PAM: variants seen among roughly 807,000 people sequenced by gnomAD.
The protein encoded by PAM is peptidyl-glycine alpha-amidating monooxygenase.
A neutral mutation model predicts 122.1 loss-of-function variants in PAM; 72 were observed. The ratio of observed to expected loss-of-function variants is 0.59; its 90% CI spans 0.49 to 0.72. The LOEUF is 0.72. PAM is among the 30% of genes least tolerant of loss of function. PAM has a pLI of 0.00. For missense variants in PAM, 1,106 were observed against 1,183.7 expected, an observed-to-expected ratio of 0.93 and a Z score of 0.96; for synonymous variants, 389 against 404.4, an observed-to-expected ratio of 0.96 and a Z score of 0.46.
At chr5:102,841,622 T>C (rs1778656149) in intron 1 of PAM, among the ~76,000 whole-genome samples, 1 of 152,180 alleles carries the variant, frequency 6.6e-6, no homozygotes, top group Admixed American at 6.6e-5. Flanking sequence ...TCTGCAGTTA[T>C]AACTTTACAG....
chr5:102,793,671 A>C (rs1426041159), intron 1 of PAM, among the ~76,000 whole-genome samples: 1 of 152,256 alleles, frequency 6.6e-6, no homozygotes, highest in African/African-American at 2.4e-5. Flanking sequence ...ACAAGCAGCA[A>C]TATAGAAATA....
At chr5:102,836,792 G>A (rs6886411) in intron 1 of PAM, among the ~76,000 whole-genome samples, 22,507 of 151,514 alleles carry the variant, frequency 0.15, 3,015 homozygotes, top group African/African-American at 0.35. Context: ...CTATCTTGTA[G>A]TGAATGTGGA....
rs1784644537 is a variant in PAM, at chr5:103,025,322, A to G, written c.2677A>G (p.Arg893Gly). The change falls in exon 24 of 26, where the codon AGG (arginine) becomes GGG (glycine). Residue 893 changes from arginine to glycine, a missense_variant. This residue lies in a region of PAM where 333 missense variants were observed against 335.6 expected (regional missense o/e 0.99). Coordinates refer to ENST00000438793, the MANE Select transcript of PAM (RefSeq NM_001177306.2). ...CATATTTATTCGGTGGAAAAAATCA[A>G]GGGCCTTTGGAGGCAAGTAAAATGA... ...IAIFIRWKKS[R>G]AFGDSEHKLE... 3.1e-6 allele frequency: 5 copies of G among 1,613,384 alleles called. No individual in the cohort carries two copies. In the Admixed American group the frequency reaches 6.7e-5, roughly 22 times the overall value.
intron 1 of PAM, among the ~76,000 whole-genome samples, chr5:102,795,722 T>C (rs1361282130): frequency 6.6e-6 from 1 of 152,142 alleles, no homozygotes; most frequent in Non-Finnish European, 1.5e-5. Flanking sequence ...TTGACCTTGA[T>C]CCCTAACGGA....
At chr5:102,970,332 C>A (rs1765425275) in intron 14 of PAM, among the ~76,000 whole-genome samples, 1 of 152,096 alleles carries the variant, frequency 6.6e-6, no homozygotes. Flanking sequence ...GTACTCAGCC[C>A]CATGTGTCTG....
chr5:102,956,410 G>A (rs555534504), intron 12 of PAM, among the ~76,000 whole-genome samples: 9 of 152,126 alleles, frequency 5.9e-5, no homozygotes, highest in East Asian at 1.9e-4. Flanking sequence ...AATAACCTGC[G>A]ACCTTAGCTT....
At chr5:102,828,963 A>C (rs1009303363) in intron 1 of PAM, among the ~76,000 whole-genome samples, 1 of 138,756 alleles carries the variant, frequency 7.2e-6, no homozygotes, top group South Asian at 2.3e-4. Context: ...TATATTGCCT[A>C]GGCTGGTCTC....
chr5:102,899,092 A>G (rs1288359851), intron 3 of PAM, among the ~76,000 whole-genome samples: 2 of 136,618 alleles, frequency 1.5e-5, no homozygotes, highest in Non-Finnish European at 3.1e-5. Context: ...CCTTTACCCC[A>G]CCTCTCTCTT....
chr5:102,876,106 T>C lies in PAM; in HGVS notation c.210+8713T>C, dbSNP rs1360941583. On this transcript the variant is annotated intron_variant, in intron 3 of 25. Transcript: ENST00000438793. Reference sequence around the variant, plus strand: ...CCTCACTAGATGGCAATTCCCGTGGTATAATTTCTCTCGGCCAAATACACT... The same window carrying C: ...CCTCACTAGATGGCAATTCCCGTGGCATAATTTCTCTCGGCCAAATACACT... Among the ~76,000 whole-genome samples the C allele has an allele frequency of 7.2e-5, 11 of 152,324 alleles. No homozygotes were observed. In the East Asian group the frequency reaches 1.9e-3, roughly 27 times the overall value.
intron 6 of PAM, among the ~76,000 whole-genome samples, chr5:102,926,313 CT>C (rs1444128531): frequency 2.0e-5 from 3 of 152,292 alleles, no homozygotes; most frequent in Admixed American, 2.0e-4. Context: ...TGCTCTGTTT[CT>C]TTCAAAATGA....
rs777994694 is a variant in PAM at position 102,961,235 on chromosome 5, T to C, written c.1162+6T>C. The C allele has an allele frequency of 6.7e-7, 1 of 1,495,612 alleles. No homozygotes were observed. Among genetic ancestry groups the C allele is most frequent in the South Asian group, 1.1e-5 (1 of 88,492 alleles). The allele number at this position is 1,495,612 out of a possible 1,614,324, so 92.6% of individuals were successfully genotyped here. A position where few individuals can be genotyped will look rare whatever the true frequency, so the allele number is the denominator to read the frequency against. On this transcript the variant is annotated splice_donor_region_variant and intron_variant, in intron 14 of 25. Transcript: ENST00000438793. ...AGAAGAAGTGTTAGACCAGGGTATGTATGCTTATTTCTATAACTAGTCCTA... is the reference window on the plus strand; with the variant it reads ...AGAAGAAGTGTTAGACCAGGGTATGCATGCTTATTTCTATAACTAGTCCTA...
intron 3 of PAM, among the ~76,000 whole-genome samples, chr5:102,890,397 A>G (rs1440324053): frequency 6.6e-6 from 1 of 151,912 alleles, no homozygotes; most frequent in East Asian, 1.9e-4. Context: ...GCCGTGGTTA[A>G]TTAGAAGTTA....
At chr5:102,777,152 A>G (rs1242467288) in intron 1 of PAM, among the ~76,000 whole-genome samples, 2 of 152,152 alleles carry the variant, frequency 1.3e-5, no homozygotes, top group Non-Finnish European at 2.9e-5. Flanking sequence ...AGCAATAAAA[A>G]TGGGTAATAT....
At chr5:102,929,208 C>T (rs1750601038) in intron 7 of PAM, among the ~76,000 whole-genome samples, 1 of 152,100 alleles carries the variant, frequency 6.6e-6, no homozygotes, top group Non-Finnish European at 1.5e-5. Context: ...CTCCCACTCA[C>T]ACCTCATGCC....
chr5:102,866,948 G>C (rs1338625554), intron 2 of PAM, among the ~76,000 whole-genome samples: 1 of 152,028 alleles, frequency 6.6e-6, no homozygotes, highest in Non-Finnish European at 1.5e-5. Context: ...ACTTGAAACA[G>C]ATATATGTTT....
rs114468378 is a variant in PAM at position 102,854,112 on chromosome 5, C to G, written c.-373-11711C>G. Among the ~76,000 whole-genome samples the G allele has an allele frequency of 5.4e-3, 820 of 152,256 alleles. 9 individuals are homozygous for G. Among genetic ancestry groups the G allele is most frequent in the African/African-American group, 0.018 (743 of 41,552 alleles). On this transcript the variant is annotated intron_variant, in intron 1 of 25. Coordinates refer to ENST00000438793, the MANE Select transcript of PAM (RefSeq NM_001177306.2). ...GCAACACGTTCCTTGACTTCTGTGCCTCTATTTGCTCATCTGTAAAATGTA... is the reference window on the plus strand; with the variant it reads ...GCAACACGTTCCTTGACTTCTGTGCGTCTATTTGCTCATCTGTAAAATGTA...
intron 2 of PAM, among the ~76,000 whole-genome samples, chr5:102,866,880 A>G (rs978481424): frequency 1.3e-5 from 2 of 152,208 alleles, no homozygotes; most frequent in Middle Eastern, 3.2e-3. Flanking sequence ...TATTTCTGCC[A>G]TTAGAAAATT....
intron 3 of PAM, among the ~76,000 whole-genome samples, chr5:102,890,081 GATAGAGTATC>G (rs1190190611): frequency 6.6e-6 from 1 of 151,782 alleles, no homozygotes; most frequent in African/African-American, 2.4e-5. Flanking sequence ...GTATTTATTC[GATAGAGTATC>G]ATACATTTTA....
chr5:102,912,855 G>A (rs1220116420), intron 4 of PAM, among the ~76,000 whole-genome samples: 1 of 151,996 alleles, frequency 6.6e-6, no homozygotes, highest in Non-Finnish European at 1.5e-5. Flanking sequence ...AGAAAGGTTT[G>A]TCTCTTCTGA....
Sources: gnomAD v4.1 joint callset for allele counts (sites outside exome capture counted in the v4.1 genomes callset) on GRCh38, gnomAD v4.1.1 for gene constraint, gnomAD v4.1.1 regional missense constraint, MANE v1.5 for transcripts, NCBI Gene and HGNC (gene_info 2026-07-23, HGNC 2026-07-21) for gene names.